Variants in FILIP1L observed in about 807,000 individuals in gnomAD.
The protein encoded by FILIP1L is filamin A-interacting protein 1-like.
A neutral mutation model predicts 96.6 loss-of-function variants in FILIP1L; 55 were observed. That is an observed-to-expected ratio of 0.57 (90% CI 0.46 to 0.71). The LOEUF (loss-of-function observed/expected upper bound fraction) is 0.71, where lower values mean the gene tolerates loss of function less well. Among genes scored for constraint, FILIP1L ranks in the 30% least tolerant of loss-of-function variants. The pLI is 0.00. For missense variants in FILIP1L, 1,304 were observed against 1,321.2 expected (o/e 0.99, Z 0.20); for synonymous variants, 467 against 473.9 (o/e 0.99, Z 0.19).
chr3:99,848,803 T>A lies in FILIP1L; in HGVS notation c.2873A>T (p.Lys958Met). ...GAGGTCTTCGGTAGAGGTTTTGGAC[T>A]TTACTGGTGTTATGGAGGCGTTTTG... ...ILQNASITPV[K>M]SKTSTEDLMN... Residue 958 changes from lysine (K) to methionine (M), a missense_variant, in exon 5 of 6, where the codon AAG becomes ATG. Transcript: ENST00000477258. 2.5e-6 allele frequency: 4 copies of A among 1,614,170 alleles called. No individual in the cohort carries two copies. Among genetic ancestry groups the A allele is most frequent in the Non-Finnish European group, 2.5e-6 (3 of 1,180,020 alleles).
intron 1 of FILIP1L, among the ~76,000 whole-genome samples, chr3:99,959,588 A>C (rs972241968): frequency 1.3e-5 from 2 of 152,218 alleles, no homozygotes; most frequent in African/African-American, 4.8e-5. Flanking sequence ...CCACGTGTAT[A>C]ATTTCTTTAG....
intron 4 of FILIP1L, among the ~76,000 whole-genome samples, chr3:99,885,470 C>G (rs1474528074): frequency 6.6e-6 from 1 of 152,170 alleles, no homozygotes; most frequent in Non-Finnish European, 1.5e-5. Flanking sequence ...TATTGTCGTG[C>G]CCTTTTTTGG....
chr3:99,879,715 A>C (rs1008630447), intron 4 of FILIP1L, among the ~76,000 whole-genome samples: 1 of 152,198 alleles, frequency 6.6e-6, no homozygotes, highest in African/African-American at 2.4e-5. Flanking sequence ...ATGAGATGGT[A>C]ATGCTAACTT....
At chr3:100,103,662 C>A (rs1415483718) in intron 1 of FILIP1L, among the ~76,000 whole-genome samples, 3 of 152,176 alleles carry the variant, frequency 2.0e-5, no homozygotes, top group East Asian at 3.8e-4. Flanking sequence ...CAGCATTGCA[C>A]TGTATTAGAA....
intron 1 of FILIP1L, among the ~76,000 whole-genome samples, chr3:99,986,165 G>T (rs1314243588): frequency 6.6e-6 from 1 of 152,170 alleles, no homozygotes; most frequent in African/African-American, 2.4e-5. Flanking sequence ...ATAAGAACCA[G>T]ATATCTCAAA....
At chr3:99,870,160 G>C (rs1011541841) in intron 4 of FILIP1L, among the ~76,000 whole-genome samples, 2 of 152,070 alleles carry the variant, frequency 1.3e-5, no homozygotes, top group African/African-American at 4.8e-5. Context: ...GAAATACTTG[G>C]GGTGGATGAC....
Position 99,850,777 on chromosome 3 carries a change from G to A in FILIP1L, c.899C>T (p.Thr300Ile), listed in dbSNP as rs1276864694. 1.9e-6 allele frequency: 3 copies of A among 1,614,158 alleles called. No homozygotes were observed. The highest frequency in any genetic ancestry group is 2.5e-6 in the Non-Finnish European group (3 of 1,180,022). Residue 300 changes from threonine to isoleucine, a missense_variant, in exon 5 of 6, where the codon ACA becomes ATA. Physicochemically the swap from Thr to Ile is moderately conservative, Grantham distance 89. Coordinates refer to ENST00000477258, the MANE Select transcript of FILIP1L (RefSeq NM_001387850.1). ...RLEKELQTQTTKFHQDQDTIM... is the reference protein window; with the variant it reads ...RLEKELQTQTIKFHQDQDTIM... ...TGTGTCTTGGTCTTGGTGAAACTTT[G>A]TGGTCTGCGTTTGCAGTTCCTTCTC... is the stretch of plus-strand genomic sequence containing the variant.
At chr3:99,973,064 T>C (rs959068297) in intron 1 of FILIP1L, among the ~76,000 whole-genome samples, 17 of 152,222 alleles carry the variant, frequency 1.1e-4, no homozygotes, top group African/African-American at 4.1e-4. Flanking sequence ...TGCAGAACTA[T>C]AGGAACAATG....
chr3:100,044,377 A>G (rs2065249205), intron 1 of FILIP1L, among the ~76,000 whole-genome samples: 1 of 152,092 alleles, frequency 6.6e-6, no homozygotes, highest in African/African-American at 2.4e-5. Flanking sequence ...CACAGGGGTA[A>G]TCTGTCAAGG....
chr3:100,056,411 A>C (rs975882948), intron 1 of FILIP1L, among the ~76,000 whole-genome samples: 1 of 152,224 alleles, frequency 6.6e-6, no homozygotes. Context: ...ATTTTAAACA[A>C]AAGTGATTTC....
intron 1 of FILIP1L, among the ~76,000 whole-genome samples, chr3:100,105,923 C>A (rs189258898): frequency 6.6e-6 from 1 of 152,104 alleles, no homozygotes; most frequent in Non-Finnish European, 1.5e-5. Flanking sequence ...TTTCTCACTT[C>A]AAACTTAGAA....
intron 1 of FILIP1L, among the ~76,000 whole-genome samples, chr3:99,932,775 C>G (rs1707526493): frequency 6.6e-6 from 1 of 152,120 alleles, no homozygotes; most frequent in Non-Finnish European, 1.5e-5. Flanking sequence ...CCTGTAATCC[C>G]AGCTACTCAG....
intron 4 of FILIP1L, among the ~76,000 whole-genome samples, chr3:99,878,091 T>A (rs1239686303): frequency 1.3e-5 from 2 of 152,230 alleles, no homozygotes; most frequent in Non-Finnish European, 2.9e-5. Flanking sequence ...GGGCTTCTAC[T>A]CCTTGTATGC....
chr3:100,107,960 G>A (rs1374448273), intron 1 of FILIP1L, among the ~76,000 whole-genome samples: 7 of 151,112 alleles, frequency 4.6e-5, no homozygotes, highest in East Asian at 1.9e-4. Context: ...TTCTAACATC[G>A]GTCAAGAAAA....
At chr3:99,885,640 T>C (rs1705868409) in intron 4 of FILIP1L, among the ~76,000 whole-genome samples, 1 of 152,228 alleles carries the variant, frequency 6.6e-6, no homozygotes, top group African/African-American at 2.4e-5. Context: ...GGTGGCTGAC[T>C]GACTTTTAGT....
chr3:100,043,013 C>G (rs1209451125), intron 1 of FILIP1L, among the ~76,000 whole-genome samples: 8 of 152,242 alleles, frequency 5.3e-5, no homozygotes. Flanking sequence ...CTAACATAGC[C>G]TGTGCTGGTC....
intron 1 of FILIP1L, among the ~76,000 whole-genome samples, chr3:99,994,418 G>A (rs896772427): frequency 6.6e-6 from 1 of 152,176 alleles, no homozygotes; most frequent in Non-Finnish European, 1.5e-5. Context: ...ATTCTTACCA[G>A]TAACTACAGA....
intron 1 of FILIP1L, among the ~76,000 whole-genome samples, chr3:100,094,187 G>T (rs1369679124): frequency 1.3e-5 from 2 of 152,162 alleles, no homozygotes; most frequent in African/African-American, 4.8e-5. Context: ...AGTTAATGAT[G>T]TGGGACATCT....
At chr3:99,920,624 C>G (rs781405987) in intron 4 of FILIP1L, among the ~76,000 whole-genome samples, 9 of 152,208 alleles carry the variant, frequency 5.9e-5, no homozygotes, top group Non-Finnish European at 1.0e-4. Context: ...TTTGCATTAA[C>G]ATGCCTGGGA....
Sources: allele counts gnomAD v4.1 joint callset (sites outside exome capture counted in the v4.1 genomes callset), GRCh38; gene constraint gnomAD v4.1.1; transcripts MANE v1.5; gene names NCBI Gene and HGNC (gene_info 2026-07-23, HGNC 2026-07-21).